Variants in AMN observed in about 807,000 individuals in gnomAD.
AMN encodes the protein amnion associated transmembrane protein, also known as protein amnionless.
In AMN, 40 loss-of-function variants were observed where a neutral mutation model predicts 49.1. The ratio of observed to expected loss-of-function variants is 0.81; its 90% CI spans 0.63 to 1.06. The LOEUF is 1.06. Ranked by LOEUF, AMN falls within the 50% of genes least tolerant of loss-of-function variation. The probability of loss-of-function intolerance (pLI) is 0.00; values close to 1 mark genes in which losing one functional copy is unlikely to be tolerated. For synonymous variants in AMN, 380 were observed against 313.3 expected, an observed-to-expected ratio of 1.21 and a Z score of -2.25; for missense variants, 701 against 662.8, an observed-to-expected ratio of 1.06 and a Z score of -0.63.
chr14:102,928,588 G>C (rs965813411), intron 4 of AMN, 75 bp downstream of exon 4: 14 of 1,526,104 alleles, frequency 9.2e-6, no homozygotes, highest in South Asian at 7.0e-5. Context: ...GGCGCGTCGA[G>C]GGGGGCGAGG....
At chr14:102,924,144 A>C (rs942125544) in intron 3 of AMN, among the ~76,000 whole-genome samples, 165 bp downstream of exon 3, 3 of 151,870 alleles carry the variant, frequency 2.0e-5, no homozygotes, top group Non-Finnish European at 1.5e-5. Flanking sequence ...GTGGGGGGGA[A>C]CCTAGGGGAG....
chr14:102,929,866 C>G, intron 8 of AMN, 58 bp from the exon 9 acceptor site: 1 of 1,548,188 alleles, frequency 6.5e-7, no homozygotes, highest in South Asian at 1.2e-5. Context: ...CCTTAGCGTC[C>G]CCATAGGCTC....
In AMN at chr14:102,923,841, C is replaced by T. The variant is rs777940681; in HGVS notation, c.162+12C>T. On this transcript the variant is annotated intron_variant, in intron 2 of 11. Coordinates refer to ENST00000299155, the MANE Select transcript of AMN (RefSeq NM_030943.4). ...TCCCGGCGGACAAGGTGCCTGGGAG[C>T]GCCGGCGGGGTCGGTGATGGGCCTG... 388 of 1,612,362 alleles carry T rather than the reference C, an allele frequency of 2.4e-4. No individual in the cohort carries two copies. The highest frequency in any genetic ancestry group is 3.2e-4 in the Non-Finnish European group (374 of 1,179,724).
chr14:102,922,939 G>A (rs1891092913), intron 1 of AMN: 2 of 685,714 alleles, frequency 2.9e-6, no homozygotes, highest in African/African-American at 1.9e-5. Context: ...CGGGCGGTGC[G>A]GGAGAGGAGA....
chr14:102,929,741 A>G lies in AMN; in HGVS notation c.843+4A>G. 3.2e-6 allele frequency: 5 copies of G among 1,549,692 alleles called. No individual in the cohort carries two copies. Among genetic ancestry groups the G allele is most frequent in the African/African-American group, 2.7e-5 (2 of 73,110 alleles). ...ACTGGACACCTTCCTGGGTCTGGTA[A>G]TGGGGCCGCGCGGGCAGCTGAGGGG... On this transcript the variant is annotated splice_donor_region_variant and intron_variant, in intron 8 of 11. Coordinates refer to ENST00000299155, the MANE Select transcript of AMN (RefSeq NM_030943.4).
intron 10 of AMN, 31 bp downstream of exon 10, chr14:102,930,358 T>A: frequency 6.9e-7 from 1 of 1,454,496 alleles, no homozygotes; most frequent in Non-Finnish European, 9.0e-7. Flanking sequence ...GAGGTGGGGC[T>A]GGGGGTTGCT....
At position 102,930,612 on chromosome 14, in the gene AMN, G is replaced by GC; in HGVS notation, c.1296dup (p.Ala433ArgfsTer?). 6.3e-7 allele frequency: 1 copy of GC among 1,591,724 alleles called. No individual in the cohort carries two copies. The highest frequency in any genetic ancestry group is 1.1e-5 in the South Asian group (1 of 88,018). ...GCGGCTCAGCCTGGTTCCGAAGGCG[G>GC]CCGCAGACAGCACCAGCCACAGTTA... is the stretch of plus-strand genomic sequence containing the variant. On this transcript the variant is annotated frameshift_variant, in exon 12 of 12. Coordinates refer to ENST00000299155, the MANE Select transcript of AMN (RefSeq NM_030943.4). LOFTEE classifies it high-confidence loss of function.
chr14:102,926,598 T>TC (rs1891193511), intron 3 of AMN, among the ~76,000 whole-genome samples: 1 of 128,722 alleles, frequency 7.8e-6, no homozygotes. Context: ...TTTTTTTTTT[T>TC]TTTTTTGAGA....
chr14:102,924,304 C>T (rs1891139308), intron 3 of AMN, among the ~76,000 whole-genome samples: 1 of 151,886 alleles, frequency 6.6e-6, no homozygotes, highest in African/African-American at 2.4e-5. Context: ...TGTCCTGGTG[C>T]CTAAAGCTCC....
At chr14:102,926,350 C>T (rs184189966) in intron 3 of AMN, among the ~76,000 whole-genome samples, 2 of 152,296 alleles carry the variant, frequency 1.3e-5, no homozygotes, top group East Asian at 1.9e-4. Flanking sequence ...TGTTCTAGCA[C>T]TGCTGGAATC....
At position 102,923,842 on chromosome 14, in the gene AMN, G is replaced by A. The variant is rs113776350; in HGVS notation, c.162+13G>A. 34 of 1,612,494 alleles carry A rather than the reference G, an allele frequency of 2.1e-5. 3 individuals are homozygous for A. In the African/African-American group the frequency reaches 2.8e-4, roughly 13 times the overall value. ...CCCGGCGGACAAGGTGCCTGGGAGCGCCGGCGGGGTCGGTGATGGGCCTGG... is the reference window on the plus strand; with the variant it reads ...CCCGGCGGACAAGGTGCCTGGGAGCACCGGCGGGGTCGGTGATGGGCCTGG... On this transcript the variant is annotated intron_variant, in intron 2 of 11. Coordinates refer to ENST00000299155, the MANE Select transcript of AMN (RefSeq NM_030943.4).
At chr14:102,926,072 G>T (rs1038884014) in intron 3 of AMN, among the ~76,000 whole-genome samples, 2 of 152,208 alleles carry the variant, frequency 1.3e-5, no homozygotes, top group African/African-American at 4.8e-5. Context: ...CCATCCCCCT[G>T]CCTTGGCTGG....
intron 3 of AMN, 75 bp downstream of exon 3, chr14:102,924,054 C>G (rs1891132954): frequency 6.2e-7 from 1 of 1,601,334 alleles, no homozygotes; most frequent in African/African-American, 1.3e-5. Context: ...ACTGCTGTGC[C>G]TTGAGGGCGG....
rs539221531 is a variant in AMN, at chr14:102,927,117, C to T, written c.208-1309C>T. Among the ~76,000 whole-genome samples the T allele has an allele frequency of 3.5e-3, 537 of 152,320 alleles. 5 individuals carry two copies. Among genetic ancestry groups the T allele is most frequent in the Non-Finnish European group, 4.3e-3 (294 of 68,028 alleles). On this transcript the variant is annotated intron_variant, in intron 3 of 11. Transcript: ENST00000299155. ...CTATGTTGGCCAGGCTGGTCTTGAA[C>T]TCCTGGGCTCGAGTGATATGCCCGC...
intron 3 of AMN, 76 bp from the exon 4 acceptor site, chr14:102,928,350 G>T: frequency 7.3e-7 from 1 of 1,374,226 alleles, no homozygotes. Flanking sequence ...TCTCGTCCCA[G>T]GGGACTGGGG....
rs148513667 is a variant in AMN, at chr14:102,928,500, G to A, written c.282G>A (p.Leu94=). The change falls in exon 4 of 12, where the codon CTG becomes CTA. Residue 94 remains leucine, a synonymous_variant. Coordinates refer to ENST00000299155, the MANE Select transcript of AMN (RefSeq NM_030943.4). ...GFGVSDVGSH[L]DCGAGEPAVF... Reference sequence around the variant, plus strand: ...GCGTCTCAGACGTGGGCTCGCACCTGGACTGTGGCGCGGGTGAGGCGGTCG... The same window carrying A: ...GCGTCTCAGACGTGGGCTCGCACCTAGACTGTGGCGCGGGTGAGGCGGTCG... 2.5e-5 allele frequency: 40 copies of A among 1,608,134 alleles called. No homozygotes were observed. In the African/African-American group the frequency reaches 5.1e-4, roughly 20 times the overall value.
Position 102,929,000 on chromosome 14 carries a change from C to T in AMN, c.513+25C>T, listed in dbSNP as rs373797405. The T allele has an allele frequency of 2.4e-5, 39 of 1,595,756 alleles. No individual in the cohort carries two copies. In the East Asian group the frequency reaches 2.5e-4, roughly 10 times the overall value. ...GGTGAGCACTGAGGGGAGGGAGGCT[C>T]GGGTCCCCTCTCCCCACCTCGGCCC... is the stretch of plus-strand genomic sequence containing the variant. On this transcript the variant is annotated intron_variant, in intron 5 of 11. Coordinates refer to ENST00000299155, the MANE Select transcript of AMN (RefSeq NM_030943.4).
chr14:102,922,872 C>A, intron 1 of AMN, 141 bp downstream of exon 1: 1 of 1,199,376 alleles, frequency 8.3e-7, no homozygotes. Flanking sequence ...GCGTGAAACT[C>A]GGCCCTGCCT....
chr14:102,927,611 A>G (rs1480216551), intron 3 of AMN, among the ~76,000 whole-genome samples: 1 of 152,170 alleles, frequency 6.6e-6, no homozygotes, highest in Non-Finnish European at 1.5e-5. Flanking sequence ...AGGGCCGAAG[A>G]GTGGGTCCTG....
Sources: gnomAD v4.1 joint callset for allele counts (sites outside exome capture counted in the v4.1 genomes callset) on GRCh38, gnomAD v4.1.1 for gene constraint, MANE v1.5 for transcripts, NCBI Gene and HGNC (gene_info 2026-07-23, HGNC 2026-07-21) for gene names.